Variants in FMNL1 observed in about 807,000 individuals in gnomAD.
FMNL1 encodes formin-like protein 1.
Under a neutral mutation model 121.3 loss-of-function variants are expected in FMNL1, and 43 were observed. That is an observed-to-expected ratio of 0.35 (90% confidence interval 0.28 to 0.46). The LOEUF (loss-of-function observed/expected upper bound fraction) is 0.46, where lower values mean the gene tolerates loss of function less well. FMNL1 is among the 20% of genes least tolerant of loss of function. The pLI is 1.00. For missense variants in FMNL1, 1,191 were observed against 1,482.4 expected (o/e 0.80, Z 3.23); for synonymous variants, 613 against 613.5 (o/e 1.00, Z 0.01).
chr17:45,239,217 T>C (rs2043625511), intron 11 of FMNL1, 152 bp downstream of exon 11: 2 of 634,124 alleles, frequency 3.2e-6, no homozygotes, highest in Admixed American at 5.3e-5. Flanking sequence ...GGCCTCTTCC[T>C]CTCTCTCAGT....
intron 22 of FMNL1, 95 bp from the exon 23 acceptor site, chr17:45,245,537 C>A (rs757420081): frequency 6.2e-7 from 1 of 1,602,040 alleles, no homozygotes; most frequent in Admixed American, 1.7e-5. Flanking sequence ...GAGGGGCCAC[C>A]CTGCCTGGGA....
intron 6 of FMNL1, among the ~76,000 whole-genome samples, chr17:45,235,083 C>T (rs934110418): frequency 6.6e-6 from 1 of 152,228 alleles, no homozygotes; most frequent in Non-Finnish European, 1.5e-5. Flanking sequence ...GCATATTAAG[C>T]CTCAAACTTT....
Position 45,237,242 on chromosome 17 carries a change from G to A in FMNL1, c.724-39G>A. 1 of 1,605,472 alleles carries A rather than the reference G, an allele frequency of 6.2e-7. No homozygotes were observed. The highest frequency in any genetic ancestry group is 8.5e-7 in the Non-Finnish European group (1 of 1,172,248). Reference sequence around the variant, plus strand: ...GGCGTGGGTGCCTGAAGTCCTGGGGGGCCCTTCCTGGAGACACTGACCTCT... The same window carrying A: ...GGCGTGGGTGCCTGAAGTCCTGGGGAGCCCTTCCTGGAGACACTGACCTCT... On this transcript the variant is annotated intron_variant, in intron 7 of 26. Transcript: ENST00000331495. This position sits in a 1 kb window ranked among gnomAD's most constrained non-coding sequence, Gnocchi z 4.4.
chr17:45,245,588 C>T (rs778799487), intron 22 of FMNL1, 44 bp from the exon 23 acceptor site: 2 of 1,609,492 alleles, frequency 1.2e-6, no homozygotes, highest in Non-Finnish European at 1.7e-6. Context: ...GGGGTACAGG[C>T]TGTGAGAGGT....
At chr17:45,236,267 G>A (rs1415212442) in intron 7 of FMNL1, 23 bp downstream of exon 7, 1 of 1,600,184 alleles carries the variant, frequency 6.2e-7, no homozygotes, top group Non-Finnish European at 8.6e-7. Context: ...GCATGGGACT[G>A]GCGACTAGGG....
chr17:45,238,132 T>C, intron 9 of FMNL1: 1 of 191,714 alleles, frequency 5.2e-6, no homozygotes. Flanking sequence ...ACAGAAACGA[T>C]ATAATAAACA....
intron 2 of FMNL1, 100 bp downstream of exon 2, chr17:45,230,787 C>T: frequency 7.7e-7 from 1 of 1,296,822 alleles, no homozygotes; most frequent in South Asian, 1.4e-5. Context: ...CCATACTGCC[C>T]ATGGAGCCAA....
intron 1 of FMNL1, among the ~76,000 whole-genome samples, chr17:45,225,040 C>T (rs949570785): frequency 1.3e-5 from 2 of 152,242 alleles, no homozygotes; most frequent in East Asian, 3.8e-4. Context: ...ACACCTGGGC[C>T]TGGGACACCC....
rs2043711083 is a variant in FMNL1, at chr17:45,241,992, G to C, written c.1731G>C (p.Ala577=). 1.1e-5 allele frequency: 14 copies of C among 1,289,874 alleles called. No homozygotes were observed. The South Asian group carries it at 2.6e-4, about 24-fold the overall frequency. 79.9% of individuals were successfully genotyped at this position (1,289,874 alleles called of 1,614,324 possible). Residue 577 remains alanine, a synonymous_variant, in exon 15 of 27, where the codon GCG becomes GCC. Coordinates refer to ENST00000331495, the MANE Select transcript of FMNL1 (RefSeq NM_005892.4). The surrounding 1 kb of genome is among the most constrained non-coding windows in gnomAD (Gnocchi z 7.0). The stretch of plus-strand genomic sequence containing the variant: ...CTGGCAGCCCGGAGCCCCCGCCTGC[G>C]CCGCCGCTGCCCGGAGACCTGCCGC... ...PLPGSPEPPP[A]PPLPGDLPPP...
chr17:45,247,058 G>T lies in FMNL1; in HGVS notation c.*200G>T. 1 of 632,370 alleles carries T rather than the reference G, an allele frequency of 1.6e-6. No homozygotes were observed. Among genetic ancestry groups the T allele is most frequent in the Non-Finnish European group, 2.9e-6 (1 of 343,544 alleles). The allele number at this position is 632,370 out of a possible 1,614,324, so 39.2% of individuals were successfully genotyped here. A position where few individuals can be genotyped will look rare whatever the true frequency, so the allele number is the denominator to read the frequency against. On this transcript the variant is annotated 3_prime_UTR_variant, in exon 27 of 27. Coordinates refer to ENST00000331495, the MANE Select transcript of FMNL1 (RefSeq NM_005892.4). ...AAGGTGGTCCTCAGCTCGGCTGGCC[G>T]GGCAGCCCCTCCTCCGCTGTGGCCC...
In FMNL1 at chr17:45,241,790, C is replaced by A; in HGVS notation, c.1586-57C>A. ...TAGAGCGGAGAGGCGGAGAGGGGCC[C>A]ACCCAAGTCAAGGAGCTGACTCGCG... On this transcript the variant is annotated intron_variant, in intron 14 of 26. Coordinates refer to ENST00000331495, the MANE Select transcript of FMNL1 (RefSeq NM_005892.4). The surrounding 1 kb of genome is among the most constrained non-coding windows in gnomAD (Gnocchi z 7.0). 7.1e-7 allele frequency: 1 copy of A among 1,402,450 alleles called. No individual in the cohort carries two copies. The highest frequency in any genetic ancestry group is 9.2e-7 in the Non-Finnish European group (1 of 1,083,528). The allele number at this position is 1,402,450 out of a possible 1,614,324, so 86.9% of individuals were successfully genotyped here. A position where few individuals can be genotyped will look rare whatever the true frequency, so the allele number is the denominator to read the frequency against.
At chr17:45,228,394 C>G (rs946253074) in intron 1 of FMNL1, among the ~76,000 whole-genome samples, 1 of 152,202 alleles carries the variant, frequency 6.6e-6, no homozygotes, top group African/African-American at 2.4e-5. Context: ...AGAGGCCTCC[C>G]CTCGGCAGTA....
In FMNL1 at chr17:45,238,533, GGCCTCAGTGAGA is replaced by G; in HGVS notation, c.895-27_895-16del. 6.2e-7 allele frequency: 1 copy of G among 1,610,034 alleles called. No individual in the cohort carries two copies. Among genetic ancestry groups the G allele is most frequent in the Non-Finnish European group, 8.5e-7 (1 of 1,176,570 alleles). On this transcript the variant is annotated intron_variant, in intron 9 of 26. Transcript: ENST00000331495. ...AGGTAGCTTAGGACGTGTGTCACTG[GGCCTCAGTGAGA>G]GCCATTCCCCTTACCCAGGTGTGTG...
chr17:45,240,428 C>T, intron 11 of FMNL1, 48 bp from the exon 12 acceptor site: 2 of 1,540,646 alleles, frequency 1.3e-6, no homozygotes, highest in South Asian at 1.2e-5. Context: ...AAGACTCCCC[C>T]CCACACACAC....
chr17:45,236,078 G>T, intron 6 of FMNL1, 58 bp from the exon 7 acceptor site: 1 of 1,427,974 alleles, frequency 7.0e-7, no homozygotes, highest in Non-Finnish European at 9.7e-7. Flanking sequence ...TGAGTGGTGG[G>T]GAAACAGGAA....
chr17:45,232,086 A>T (rs2043451084), intron 2 of FMNL1, among the ~76,000 whole-genome samples: 1 of 152,252 alleles, frequency 6.6e-6, no homozygotes, highest in African/African-American at 2.4e-5. Flanking sequence ...AGGTAGGAGG[A>T]TCGCTTGAGC....
intron 1 of FMNL1, among the ~76,000 whole-genome samples, chr17:45,227,287 C>T (rs751939078): frequency 9.9e-5 from 15 of 151,974 alleles, no homozygotes; most frequent in Non-Finnish European, 2.1e-4. Flanking sequence ...CAGATGTGGA[C>T]GCAGCCCCTT....
Position 45,237,749 on chromosome 17 carries a change from A to G in FMNL1, c.894+110A>G. 8.2e-7 allele frequency: 1 copy of G among 1,213,914 alleles called. No homozygotes were observed. Among genetic ancestry groups the G allele is most frequent in the South Asian group, 1.3e-5 (1 of 75,826 alleles). The allele number at this position is 1,213,914 out of a possible 1,614,324, so 75.2% of individuals were successfully genotyped here. On this transcript the variant is annotated intron_variant, in intron 9 of 26. Coordinates refer to ENST00000331495, the MANE Select transcript of FMNL1 (RefSeq NM_005892.4). This position sits in a 1 kb window ranked among gnomAD's most constrained non-coding sequence, Gnocchi z 4.4. The stretch of plus-strand genomic sequence containing the variant: ...AGGCAGCTGGGGACATTGGGTGGGC[A>G]TTTGGGGAACGCCCAAAAGTTGAAG...
chr17:45,244,951 C>T (rs1298626066), intron 20 of FMNL1, 28 bp from the exon 21 acceptor site: 2 of 1,611,726 alleles, frequency 1.2e-6, no homozygotes, highest in South Asian at 1.1e-5. Flanking sequence ...GGCTGGTGGC[C>T]TGTGGCTTAC....
Sources: allele counts gnomAD v4.1 joint callset (sites outside exome capture counted in the v4.1 genomes callset), GRCh38; gene constraint gnomAD v4.1.1; non-coding constraint Gnocchi (gnomAD v3.1); transcripts MANE v1.5; gene names NCBI Gene and HGNC (gene_info 2026-07-23, HGNC 2026-07-21).